PRRC1: variants seen among roughly 807,000 people sequenced by gnomAD.
PRRC1 encodes protein PRRC1.
In PRRC1, 39 loss-of-function variants were observed where a neutral mutation model predicts 40.7. That is an observed-to-expected ratio of 0.96 (90% confidence interval 0.74 to 1.25). The LOEUF is 1.25. Ranked by LOEUF, PRRC1 falls within the 50% of genes most tolerant of loss-of-function variation. PRRC1 has a pLI of 0.00. For synonymous variants in PRRC1, 175 were observed against 193.3 expected (o/e 0.91, Z 0.79); for missense variants, 573 against 548.3 (o/e 1.05, Z -0.45).
chr5:127,544,452 G>C (rs1040492513), intron 7 of PRRC1, among the ~76,000 whole-genome samples: 5 of 152,236 alleles, frequency 3.3e-5, no homozygotes, highest in African/African-American at 4.8e-5. Context: ...TTACTGCTTT[G>C]TTTTTGTTTG....
At chr5:127,540,799 T>A (rs1235225532) in intron 7 of PRRC1, among the ~76,000 whole-genome samples, 5 of 152,182 alleles carry the variant, frequency 3.3e-5, no homozygotes, top group African/African-American at 1.2e-4. Flanking sequence ...TTGTTTGTTT[T>A]TTTCTTGTAA....
At chr5:127,538,108 T>A (rs2127105327) in intron 6 of PRRC1, among the ~76,000 whole-genome samples, 1 of 152,144 alleles carries the variant, frequency 6.6e-6, no homozygotes, top group South Asian at 2.1e-4. Context: ...CTTTAAATCC[T>A]ATCATCTTCA....
intron 6 of PRRC1, among the ~76,000 whole-genome samples, chr5:127,537,903 T>C (rs912078352): frequency 1.8e-4 from 28 of 152,016 alleles, no homozygotes; most frequent in Non-Finnish European, 7.4e-5. Context: ...TTAAGTGTTA[T>C]TAGATTTGGT....
chr5:127,534,656 C>A (rs1041104637), intron 6 of PRRC1, among the ~76,000 whole-genome samples: 1 of 152,184 alleles, frequency 6.6e-6, no homozygotes, highest in Non-Finnish European at 1.5e-5. Context: ...TCTCTCCAGT[C>A]TTCTGACGGT....
chr5:127,544,060 G>A (rs1246055165), intron 7 of PRRC1, among the ~76,000 whole-genome samples: 3 of 152,092 alleles, frequency 2.0e-5, no homozygotes, highest in Admixed American at 2.0e-4. Flanking sequence ...TGGTGTGGAT[G>A]TCCTTTCTGT....
rs576516620 is a variant in PRRC1 at position 127,543,560 on chromosome 5, C to A, written c.1026-4259C>A. On this transcript the variant is annotated intron_variant, in intron 7 of 8. Coordinates refer to ENST00000296666, the MANE Select transcript of PRRC1 (RefSeq NM_130809.5). ...CACATAGTCCCATATTTCTTGGAGG[C>A]TTTGTTCGTTTCTTTTTATTCTTTT... Among the ~76,000 whole-genome samples the A allele has an allele frequency of 5.0e-3, 754 of 152,242 alleles. 9 individuals carry two copies. In the Middle Eastern group the frequency reaches 0.068, roughly 14 times the overall value.
chr5:127,553,013 G>A lies in PRRC1; in HGVS notation c.*1097G>A. On this transcript the variant is annotated 3_prime_UTR_variant, in exon 9 of 9. Coordinates refer to ENST00000296666, the MANE Select transcript of PRRC1 (RefSeq NM_130809.5). ...CAAATAATATATTATATCATTTTTGGACTTATATAAATGATAATTAAATAA... is the reference window on the plus strand; with the variant it reads ...CAAATAATATATTATATCATTTTTGAACTTATATAAATGATAATTAAATAA... The A allele has an allele frequency of 2.7e-6, 2 of 744,268 alleles. No individual in the cohort carries two copies. The highest frequency in any genetic ancestry group is 3.3e-6 in the Non-Finnish European group (2 of 611,100). 46.1% of individuals were successfully genotyped at this position (744,268 alleles called of 1,614,324 possible).
chr5:127,540,227 C>T (rs1768005038), intron 7 of PRRC1, among the ~76,000 whole-genome samples: 1 of 151,898 alleles, frequency 6.6e-6, no homozygotes, highest in Non-Finnish European at 1.5e-5. Flanking sequence ...ATTGTTGTGT[C>T]ATTTTTTTTT....
intron 1 of PRRC1, among the ~76,000 whole-genome samples, chr5:127,520,684 G>A (rs1293665928): frequency 2.6e-5 from 4 of 152,172 alleles, no homozygotes; most frequent in Admixed American, 2.6e-4. Context: ...ACAACATGAG[G>A]AAGTTTCTTT....
At chr5:127,551,078 C>T in intron 8 of PRRC1, 1 of 154,700 alleles carries the variant, frequency 6.5e-6, no homozygotes, top group Non-Finnish European at 1.4e-5. Context: ...TGTGGCTATA[C>T]TTCTCTGGAC....
chr5:127,539,611 G>T (rs531541645), intron 7 of PRRC1, among the ~76,000 whole-genome samples: 21 of 151,998 alleles, frequency 1.4e-4, no homozygotes, highest in African/African-American at 4.8e-4. Context: ...TTTTCAGGTG[G>T]CTTTTTATGG....
chr5:127,551,296 G>A (rs1224741200), intron 8 of PRRC1: 1 of 200,814 alleles, frequency 5.0e-6, no homozygotes, highest in Non-Finnish European at 1.0e-5. Flanking sequence ...CACATTTCCA[G>A]AGAGAATTTC....
intron 7 of PRRC1, among the ~76,000 whole-genome samples, chr5:127,543,279 G>A (rs1364456354): frequency 6.6e-5 from 10 of 152,066 alleles, no homozygotes; most frequent in African/African-American, 1.2e-4. Context: ...TGGGTAACCC[G>A]ACCTTTCTCT....
In PRRC1 at chr5:127,539,060, T is replaced by C. The variant is rs767399743; in HGVS notation, c.942T>C (p.Asp314=). The change falls in exon 7 of 9, where the codon GAT becomes GAC. Residue 314 remains aspartate, a synonymous_variant. Coordinates refer to ENST00000296666, the MANE Select transcript of PRRC1 (RefSeq NM_130809.5). The stretch of plus-strand genomic sequence containing the variant: ...TTTAGGGTGCTCAGGAACGGATAGA[T>C]AGCTTGCGTCGAACTGGGGTGATCC... ...AGLKGAQERI[D]SLRRTGVIHE... 6 of 1,612,724 alleles carry C rather than the reference T, an allele frequency of 3.7e-6. No individual in the cohort carries two copies. The South Asian group carries it at 6.6e-5, about 18-fold the overall frequency.
chr5:127,543,316 C>A (rs1768108352), intron 7 of PRRC1, among the ~76,000 whole-genome samples: 1 of 152,026 alleles, frequency 6.6e-6, no homozygotes, highest in East Asian at 1.9e-4. Context: ...TTTTTTCCTT[C>A]ATTTCAACTT....
chr5:127,533,599 T>C, intron 5 of PRRC1, 24 bp from the exon 6 acceptor site: 1 of 1,596,710 alleles, frequency 6.3e-7, no homozygotes. Context: ...ATTTGAAAGT[T>C]AAATTTTCCT....
chr5:127,520,714 A>G (rs1000629142), intron 1 of PRRC1, among the ~76,000 whole-genome samples: 6 of 152,218 alleles, frequency 3.9e-5, no homozygotes, highest in African/African-American at 9.6e-5. Flanking sequence ...GAATGGTTCT[A>G]TGTCCTGGTC....
rs141931246 is a variant in PRRC1 at position 127,551,840 on chromosome 5, G to A, written c.1262G>A (p.Arg421His). Residue 421 changes from arginine to histidine, a missense_variant, in exon 9 of 9, where the codon CGT becomes CAT. By Grantham distance (29) the Arg-to-His change is conservative. Transcript: ENST00000296666. ...CACATGGCATTTACTGGGATGTCCCGTCGGCAGATGATCTACAGTGCAGCC... is the reference window on the plus strand; with the variant it reads ...CACATGGCATTTACTGGGATGTCCCATCGGCAGATGATCTACAGTGCAGCC... ...DWHMAFTGMS[R>H]RQMIYSAARA... 1.5e-5 allele frequency: 24 copies of A among 1,614,044 alleles called. No individual in the cohort carries two copies. The East Asian group carries it at 3.3e-4, about 22-fold the overall frequency.
At chr5:127,526,332 C>T (rs1561680072) in intron 3 of PRRC1, among the ~76,000 whole-genome samples, 1 of 152,188 alleles carries the variant, frequency 6.6e-6, no homozygotes. Context: ...ACCTGAACTA[C>T]AGCCGTTCAT....
Sources: allele counts gnomAD v4.1 joint callset (sites outside exome capture counted in the v4.1 genomes callset), GRCh38; gene constraint gnomAD v4.1.1; transcripts MANE v1.5; gene names NCBI Gene and HGNC (gene_info 2026-07-23, HGNC 2026-07-21).